Variants in FAF1 observed in about 807,000 individuals in gnomAD.
FAF1 encodes Fas associated factor 1.
Under a neutral mutation model 92.5 loss-of-function variants are expected in FAF1, and 25 were observed. That is an observed-to-expected ratio of 0.27 (90% CI 0.20 to 0.38). The LOEUF is 0.38. Ranked by LOEUF, FAF1 falls within the 10% of genes least tolerant of loss-of-function variation. The pLI, the probability that FAF1 is intolerant of heterozygous loss-of-function variation, is 1.00. For missense variants in FAF1, 636 were observed against 793.3 expected (o/e 0.80, Z 2.38); for synonymous variants, 234 against 273.2 (o/e 0.86, Z 1.42).
chr1:50,491,155 C>T (rs183668446), intron 16 of FAF1, among the ~76,000 whole-genome samples: 1 of 152,166 alleles, frequency 6.6e-6, no homozygotes, highest in East Asian at 1.9e-4. Flanking sequence ...CACTCCCTGG[C>T]TCTCCAAAAA....
intron 7 of FAF1, among the ~76,000 whole-genome samples, chr1:50,677,554 G>A (rs1181538018): frequency 6.6e-6 from 1 of 152,152 alleles, no homozygotes; most frequent in Admixed American, 6.5e-5. Context: ...ATGTCAATCT[G>A]AATAAATGAA....
chr1:50,642,211 A>C (rs1213224048), intron 8 of FAF1, among the ~76,000 whole-genome samples: 3 of 150,612 alleles, frequency 2.0e-5, no homozygotes, highest in African/African-American at 7.3e-5. Context: ...TCAGAAAAAA[A>C]AAAAAAAAAA....
chr1:50,751,767 C>T (rs756718357), intron 4 of FAF1, among the ~76,000 whole-genome samples: 42 of 152,300 alleles, frequency 2.8e-4, no homozygotes, highest in Middle Eastern at 6.8e-3. Flanking sequence ...ATTTCTCCCT[C>T]CATAGTTATA....
intron 4 of FAF1, among the ~76,000 whole-genome samples, chr1:50,757,589 C>A (rs1660126805): frequency 6.6e-6 from 1 of 152,114 alleles, no homozygotes; most frequent in East Asian, 1.9e-4. Context: ...TTACAATTTT[C>A]ATACATATTT....
intron 4 of FAF1, among the ~76,000 whole-genome samples, chr1:50,782,820 T>G (rs1430449833): frequency 6.6e-6 from 1 of 152,224 alleles, no homozygotes; most frequent in Admixed American, 6.5e-5. Flanking sequence ...TGCATCAATG[T>G]ACAGTAATGT....
At chr1:50,656,081 C>T (rs1330773045) in intron 7 of FAF1, among the ~76,000 whole-genome samples, 1 of 152,018 alleles carries the variant, frequency 6.6e-6, no homozygotes, top group Non-Finnish European at 1.5e-5. Flanking sequence ...CCTGTAATCC[C>T]AGGACGTTGG....
intron 7 of FAF1, among the ~76,000 whole-genome samples, chr1:50,668,967 A>G (rs544966950): frequency 6.6e-6 from 1 of 152,142 alleles, no homozygotes; most frequent in Non-Finnish European, 1.5e-5. Flanking sequence ...TCCCTGCCAT[A>G]ACCTGCTCTA....
intron 4 of FAF1, among the ~76,000 whole-genome samples, chr1:50,773,071 CA>C (rs1198944470): frequency 7.2e-5 from 11 of 152,086 alleles, no homozygotes; most frequent in Non-Finnish European, 1.6e-4. Context: ...TACTTATAGA[CA>C]TAAGTTTACA....
At chr1:50,799,078 C>T (rs1447003012) in intron 3 of FAF1, among the ~76,000 whole-genome samples, 1 of 152,148 alleles carries the variant, frequency 6.6e-6, no homozygotes, top group Non-Finnish European at 1.5e-5. Context: ...TCCCAAAGTG[C>T]TGGAATTATA....
intron 15 of FAF1, among the ~76,000 whole-genome samples, chr1:50,493,565 C>T (rs1299596463): frequency 6.6e-6 from 1 of 152,074 alleles, no homozygotes; most frequent in East Asian, 1.9e-4. Context: ...AAGCACTTAC[C>T]ATAATTGTAA....
chr1:50,630,294 C>T (rs1557444670), intron 8 of FAF1, among the ~76,000 whole-genome samples: 1 of 152,042 alleles, frequency 6.6e-6, no homozygotes, highest in Non-Finnish European at 1.5e-5. Flanking sequence ...ATTCAAAAAG[C>T]GATTTTAGTG....
chr1:50,510,553 C>T (rs574263024), intron 15 of FAF1, among the ~76,000 whole-genome samples: 21 of 152,276 alleles, frequency 1.4e-4, no homozygotes, highest in Middle Eastern at 3.4e-3. Context: ...TTACACCCCA[C>T]CACTCAAGTC....
chr1:50,856,218 A>G (rs1417014357), intron 2 of FAF1, among the ~76,000 whole-genome samples: 2 of 151,756 alleles, frequency 1.3e-5, no homozygotes, highest in Non-Finnish European at 3.0e-5. Context: ...TCCCTCTTAC[A>G]AGTATCATGC....
At chr1:50,825,697 T>C (rs574835057) in intron 2 of FAF1, among the ~76,000 whole-genome samples, 1 of 152,162 alleles carries the variant, frequency 6.6e-6, no homozygotes, top group African/African-American at 2.4e-5. Flanking sequence ...GATAACTGGA[T>C]CTAACAAATC....
intron 8 of FAF1, among the ~76,000 whole-genome samples, chr1:50,653,963 T>C (rs1043557856): frequency 1.6e-4 from 24 of 152,166 alleles, no homozygotes; most frequent in African/African-American, 5.5e-4. Flanking sequence ...TCACCGTGCC[T>C]GACCAAAAAT....
intron 12 of FAF1, among the ~76,000 whole-genome samples, chr1:50,581,853 AGGGAAT>A (rs1650998707): frequency 6.6e-6 from 1 of 152,222 alleles, no homozygotes; most frequent in African/African-American, 2.4e-5. Context: ...AGTGTGAGGC[AGGGAAT>A]GGGAAGAGCT....
At chr1:50,535,569 T>G in intron 14 of FAF1, 112 bp from the exon 15 acceptor site, 1 of 571,600 alleles carries the variant, frequency 1.7e-6, no homozygotes. Context: ...AAAGGAATAA[T>G]CAGTCTAAAA....
intron 12 of FAF1, among the ~76,000 whole-genome samples, chr1:50,579,853 C>T (rs1394551611): frequency 6.6e-6 from 1 of 151,540 alleles, no homozygotes; most frequent in African/African-American, 2.4e-5. Context: ...GATTGTGGTT[C>T]CAAAAAAAAC....
intron 2 of FAF1, among the ~76,000 whole-genome samples, chr1:50,833,959 C>T (rs1028362717): frequency 6.6e-6 from 1 of 152,184 alleles, no homozygotes; most frequent in Non-Finnish European, 1.5e-5. Context: ...CTGGTTTATC[C>T]CCTTTGATAT....
Sources: allele counts gnomAD v4.1 joint callset (sites outside exome capture counted in the v4.1 genomes callset), GRCh38; gene constraint gnomAD v4.1.1; transcripts MANE v1.5; gene names NCBI Gene and HGNC (gene_info 2026-07-23, HGNC 2026-07-21).